The following NRG1 variants were observed in gnomAD, a reference collection of about 807,000 sequenced individuals.
NRG1 encodes the protein pro-neuregulin-1, membrane-bound isoform.
Under a neutral mutation model 63.8 loss-of-function variants are expected in NRG1, and 18 were observed. The observed-to-expected ratio is 0.28, with a 90% CI of 0.19 to 0.42. The LOEUF (loss-of-function observed/expected upper bound fraction) is 0.42, where lower values mean the gene tolerates loss of function less well. Among genes scored for constraint, NRG1 ranks in the 10% least tolerant of loss-of-function variants. The probability of loss-of-function intolerance (pLI) is 1.00; values close to 1 mark genes in which losing one functional copy is unlikely to be tolerated. For missense variants in NRG1, 762 were observed against 814.7 expected (o/e 0.94, Z 0.79); for synonymous variants, 302 against 301.3 (o/e 1.00, Z -0.02).
exon 12 of NRG1, chr8:32,765,614 A>C (rs948698284): frequency 7.9e-5 from 12 of 152,094 alleles, no homozygotes; most frequent in African/African-American, 2.9e-4. Flanking sequence ...GGTCATAACT[A>C]TGCATGAACA....
chr8:32,019,121 C>T (rs1395074844), intron 1 of NRG1, among the ~76,000 whole-genome samples: 4 of 151,924 alleles, frequency 2.6e-5, no homozygotes, highest in Admixed American at 1.3e-4. Context: ...TTTTTTGAGA[C>T]GGAGTCTCAC....
At chr8:32,170,120 G>A (rs997419856) in intron 1 of NRG1, among the ~76,000 whole-genome samples, 1 of 152,126 alleles carries the variant, frequency 6.6e-6, no homozygotes, top group Non-Finnish European at 1.5e-5. Flanking sequence ...AGGAAGCAGG[G>A]CCCTGACAAC....
chr8:32,635,184 A>C (rs1193886339), intron 5 of NRG1, among the ~76,000 whole-genome samples: 1 of 152,202 alleles, frequency 6.6e-6, no homozygotes, highest in African/African-American at 2.4e-5. Context: ...TATAAGATGG[A>C]AATTATTTTA....
At chr8:32,727,119 G>A (rs1034929509) in intron 5 of NRG1, among the ~76,000 whole-genome samples, 1 of 152,168 alleles carries the variant, frequency 6.6e-6, no homozygotes, top group African/African-American at 2.4e-5. Context: ...GGGGCTGAGA[G>A]CTTTGGCTTT....
intron 1 of NRG1, among the ~76,000 whole-genome samples, chr8:32,208,231 T>C (rs1019721308): frequency 6.6e-6 from 1 of 151,618 alleles, no homozygotes; most frequent in Non-Finnish European, 1.5e-5. Context: ...GTCGAGGAGG[T>C]TGTAAGGAAA....
At chr8:31,799,905 T>G (rs1821591056) in intron 1 of NRG1, among the ~76,000 whole-genome samples, 1 of 152,154 alleles carries the variant, frequency 6.6e-6, no homozygotes, top group African/African-American at 2.4e-5. Flanking sequence ...AAGAGGTCAA[T>G]CTGAATAAGA....
intron 1 of NRG1, among the ~76,000 whole-genome samples, chr8:32,259,060 G>C (rs1586453305): frequency 6.6e-6 from 1 of 152,280 alleles, no homozygotes; most frequent in East Asian, 1.9e-4. Flanking sequence ...TATAGACTTG[G>C]TAAATCCAAA....
At chr8:31,746,129 A>G (rs1815834352) in intron 1 of NRG1, among the ~76,000 whole-genome samples, 1 of 151,812 alleles carries the variant, frequency 6.6e-6, no homozygotes, top group African/African-American at 2.4e-5. Flanking sequence ...TTAAATGTGT[A>G]GGAGGAAAAG....
intron 5 of NRG1, chr8:32,646,682 G>A (rs912874294): frequency 1.0e-6 from 1 of 985,220 alleles, no homozygotes; most frequent in African/African-American, 1.7e-5. Flanking sequence ...GACAGCTTTT[G>A]TAGAGAAAGA....
In NRG1 at chr8:31,640,505, G is replaced by T. The variant is rs567676536; in HGVS notation, c.37+1074G>T. On this transcript the variant is annotated intron_variant, in intron 1 of 10. Coordinates refer to the NRG1 transcript ENST00000519301. The surrounding 1 kb of genome is among the most constrained non-coding windows in gnomAD (Gnocchi z 6.3). ...CAGGTGTGGGCGGTGAAAGCCGGGG[G>T]CTTGAAGAAGGACTCGCTGCTCACC... The T allele has an allele frequency of 2.5e-6, 4 of 1,610,662 alleles. No individual in the cohort carries two copies. Among genetic ancestry groups the T allele is most frequent in the South Asian group, 1.1e-5 (1 of 90,786 alleles).
At chr8:32,349,458 A>T (rs890581414) in intron 1 of NRG1, among the ~76,000 whole-genome samples, 2 of 152,216 alleles carry the variant, frequency 1.3e-5, no homozygotes, top group African/African-American at 2.4e-5. Flanking sequence ...TGAGTAGTCA[A>T]GGTACCATAC....
intron 1 of NRG1, among the ~76,000 whole-genome samples, chr8:32,210,882 A>G (rs1056968776): frequency 1.3e-5 from 2 of 152,244 alleles, no homozygotes; most frequent in Non-Finnish European, 2.9e-5. Context: ...TTAACCATAG[A>G]TAAATGTCCC....
At chr8:32,665,968 A>G (rs1804043335) in intron 5 of NRG1, among the ~76,000 whole-genome samples, 1 of 152,172 alleles carries the variant, frequency 6.6e-6, no homozygotes, top group African/African-American at 2.4e-5. Context: ...TCAAAGATGC[A>G]TTCCTATTTT....
chr8:32,013,659 T>G (rs954653038), intron 1 of NRG1, among the ~76,000 whole-genome samples: 4 of 152,088 alleles, frequency 2.6e-5, no homozygotes, highest in African/African-American at 9.7e-5. Context: ...GGGACTGGCA[T>G]GATCTCAGAC....
intron 1 of NRG1, among the ~76,000 whole-genome samples, chr8:31,816,134 C>T (rs775560867): frequency 9.9e-5 from 15 of 152,124 alleles, no homozygotes; most frequent in Non-Finnish European, 1.9e-4. Context: ...GTCACAGTAC[C>T]TGTAATGATT....
At chr8:31,693,006 G>T (rs192149033) in intron 1 of NRG1, among the ~76,000 whole-genome samples, 1 of 152,262 alleles carries the variant, frequency 6.6e-6, no homozygotes, top group South Asian at 2.1e-4. Flanking sequence ...GTTATGCAAA[G>T]CTTATTATTG....
At chr8:32,698,736 G>A (rs547979523) in intron 5 of NRG1, among the ~76,000 whole-genome samples, 2 of 152,238 alleles carry the variant, frequency 1.3e-5, no homozygotes, top group African/African-American at 4.8e-5. Context: ...TTCTTCCAAG[G>A]CTAATTTTGG....
intron 1 of NRG1, among the ~76,000 whole-genome samples, chr8:32,401,140 T>C (rs1187317661): frequency 6.6e-6 from 1 of 151,678 alleles, no homozygotes; most frequent in African/African-American, 2.4e-5. Flanking sequence ...GGGGCCTACT[T>C]GAGGGTGGAG....
intron 1 of NRG1, among the ~76,000 whole-genome samples, chr8:32,485,122 C>CT (rs11391262): frequency 0.63 from 92,823 of 148,410 alleles, 28,889 homozygotes; most frequent in East Asian, 0.79. Flanking sequence ...CTTTCTTTTT[C>CT]TTTTTTTTTG....
Sources: allele counts gnomAD v4.1 joint callset (sites outside exome capture counted in the v4.1 genomes callset), GRCh38; gene constraint gnomAD v4.1.1; non-coding constraint Gnocchi (gnomAD v3.1); transcripts MANE v1.5; gene names NCBI Gene and HGNC (gene_info 2026-07-23, HGNC 2026-07-21).